CBFB: variants seen among roughly 807,000 people sequenced by gnomAD.
The protein encoded by CBFB is CBF-beta.
A neutral mutation model predicts 30.4 loss-of-function variants in CBFB; 9 were observed. The ratio of observed to expected loss-of-function variants is 0.30; its 90% CI spans 0.18 to 0.52. The LOEUF is 0.52. Ranked by LOEUF, CBFB falls within the 20% of genes least tolerant of loss-of-function variation. CBFB has a pLI of 0.97. For synonymous variants in CBFB, 94 were observed against 84.0 expected (o/e 1.12, Z -0.65); for missense variants, 170 against 244.0 (o/e 0.70, Z 2.02).
At chr16:67,037,777 T>A (rs1393829248) in intron 3 of CBFB, among the ~76,000 whole-genome samples, 1 of 151,402 alleles carries the variant, frequency 6.6e-6, no homozygotes, top group Non-Finnish European at 1.5e-5. Context: ...TAAGCTATTC[T>A]CCTGCCTCAG....
chr16:67,095,732 G>C (rs1035750712), intron 5 of CBFB, among the ~76,000 whole-genome samples: 11 of 119,130 alleles, frequency 9.2e-5, no homozygotes, highest in African/African-American at 3.1e-4. Context: ...CCCTCTTGTT[G>C]CCCAGGCTGG....
intron 3 of CBFB, among the ~76,000 whole-genome samples, chr16:67,054,757 T>C (rs1960663002): frequency 6.6e-6 from 1 of 152,084 alleles, no homozygotes; most frequent in Admixed American, 6.5e-5. Context: ...GCTTTTTGTT[T>C]GTTTGTTTGT....
intron 3 of CBFB, among the ~76,000 whole-genome samples, chr16:67,051,503 T>C (rs1189083519): frequency 4.0e-5 from 6 of 151,892 alleles, no homozygotes; most frequent in African/African-American, 1.5e-4. Context: ...CACACACACA[T>C]ACATATATGG....
chr16:67,073,510 C>G lies in CBFB; in HGVS notation c.399+6712C>G, dbSNP rs998311945. Among the ~76,000 whole-genome samples, 6 of 152,196 alleles carry G rather than the reference C, an allele frequency of 3.9e-5. No homozygotes were observed. In the South Asian group the frequency reaches 6.2e-4, roughly 16 times the overall value. Reference sequence around the variant, plus strand: ...TTGTAATCCCTGCACTCTTGAGAGGCCGAGACAGGTGGATCACTTGAGGTC... The same window carrying G: ...TTGTAATCCCTGCACTCTTGAGAGGGCGAGACAGGTGGATCACTTGAGGTC... On this transcript the variant is annotated intron_variant, in intron 4 of 5. Coordinates refer to ENST00000412916, the MANE Select transcript of CBFB (RefSeq NM_022845.3).
At chr16:67,037,541 T>A (rs1234396110) in intron 3 of CBFB, among the ~76,000 whole-genome samples, 1 of 152,148 alleles carries the variant, frequency 6.6e-6, no homozygotes, top group Non-Finnish European at 1.5e-5. Flanking sequence ...TGAGAAAAAG[T>A]TTCTGGGAAC....
At chr16:67,075,568 A>T (rs572109276) in intron 4 of CBFB, among the ~76,000 whole-genome samples, 1 of 151,646 alleles carries the variant, frequency 6.6e-6, no homozygotes, top group Non-Finnish European at 1.5e-5. Context: ...GTGTGTGTGT[A>T]TATATATATA....
chr16:67,092,416 C>T lies in CBFB; in HGVS notation c.496-6294C>T, dbSNP rs115788914. Among the ~76,000 whole-genome samples the T allele has an allele frequency of 8.6e-3, 1,309 of 152,180 alleles. 14 individuals carry two copies. The highest frequency in any genetic ancestry group is 0.03 in the African/African-American group (1,252 of 41,512). ...GTGACTAAGGAGGCTGACATTAATG[C>T]CAATTGTAAGTTAAAGGCTCATCTT... On this transcript the variant is annotated intron_variant, in intron 5 of 5. Transcript: ENST00000412916.
chr16:67,091,899 G>C (rs1961893575), intron 5 of CBFB, among the ~76,000 whole-genome samples: 1 of 152,020 alleles, frequency 6.6e-6, no homozygotes, highest in Non-Finnish European at 1.5e-5. Flanking sequence ...TTGAGGCAGA[G>C]TTTCGCCTTT....
intron 5 of CBFB, among the ~76,000 whole-genome samples, chr16:67,094,352 C>T (rs1406233970): frequency 6.6e-6 from 1 of 152,094 alleles, no homozygotes; most frequent in Non-Finnish European, 1.5e-5. Context: ...ATGAAACCCA[C>T]AAATAATAGC....
At chr16:67,074,529 C>T (rs542941937) in intron 4 of CBFB, among the ~76,000 whole-genome samples, 2 of 152,012 alleles carry the variant, frequency 1.3e-5, no homozygotes, top group South Asian at 2.1e-4. Flanking sequence ...ACTACAGGCA[C>T]GTGCCATCAT....
At position 67,099,492 on chromosome 16, in the gene CBFB, G is replaced by A. The variant is rs746359212; in HGVS notation, c.*714G>A. On this transcript the variant is annotated 3_prime_UTR_variant, in exon 6 of 6. Transcript: ENST00000412916. ...TGGTCTCGAACTCCTGGCATCAAGC[G>A]ATCCTCCTGCCTTAGCCTCCCAGAG... 3.5e-5 allele frequency: 7 copies of A among 200,832 alleles called. No individual in the cohort carries two copies. The highest frequency in any genetic ancestry group is 1.2e-4 in the Admixed American group (2 of 16,584). 12.4% of individuals were successfully genotyped at this position (200,832 alleles called of 1,614,324 possible).
At chr16:67,032,152 G>C (rs891410142) in intron 2 of CBFB, among the ~76,000 whole-genome samples, 5 of 152,116 alleles carry the variant, frequency 3.3e-5, no homozygotes, top group African/African-American at 1.2e-4. Context: ...TATAGTAGTA[G>C]TACAGGTGGT....
chr16:67,033,844 C>G, intron 2 of CBFB, among the ~76,000 whole-genome samples: 1 of 110,716 alleles, frequency 9.0e-6, no homozygotes. Context: ...TTTTTTGAGA[C>G]GGCGTCTTGC....
At chr16:67,059,285 A>G (rs1447396760) in intron 3 of CBFB, among the ~76,000 whole-genome samples, 2 of 152,216 alleles carry the variant, frequency 1.3e-5, no homozygotes, top group African/African-American at 4.8e-5. Flanking sequence ...TTCAAAACAC[A>G]GGATTAGTAA....
At chr16:67,063,766 G>T (rs757043498) in intron 3 of CBFB, among the ~76,000 whole-genome samples, 1 of 152,056 alleles carries the variant, frequency 6.6e-6, no homozygotes, top group Non-Finnish European at 1.5e-5. Flanking sequence ...TATTTTAAAG[G>T]TATCTCAGAG....
chr16:67,089,357 A>G (rs1470216498), intron 5 of CBFB, among the ~76,000 whole-genome samples: 2 of 152,200 alleles, frequency 1.3e-5, no homozygotes, highest in African/African-American at 4.8e-5. Flanking sequence ...TGGAACTAGA[A>G]ACTATGGGGG....
chr16:67,030,050 T>A, intron 2 of CBFB: 1 of 436,752 alleles, frequency 2.3e-6, no homozygotes, highest in Non-Finnish European at 4.0e-6. Context: ...GCACCGCGAG[T>A]GGAGCTCGAA....
intron 4 of CBFB, 141 bp downstream of exon 4, chr16:67,066,939 T>C (rs1961076837): frequency 2.0e-6 from 1 of 499,410 alleles, no homozygotes; most frequent in Non-Finnish European, 3.7e-6. Context: ...CCTGAAAATG[T>C]TGATACTCAA....
At chr16:67,059,288 A>G (rs182770022) in intron 3 of CBFB, among the ~76,000 whole-genome samples, 1 of 152,304 alleles carries the variant, frequency 6.6e-6, no homozygotes, top group East Asian at 1.9e-4. Flanking sequence ...AAAACACAGG[A>G]TTAGTAATAT....
Sources: gnomAD v4.1 joint callset for allele counts (sites outside exome capture counted in the v4.1 genomes callset) on GRCh38, gnomAD v4.1.1 for gene constraint, MANE v1.5 for transcripts, NCBI Gene and HGNC (gene_info 2026-07-23, HGNC 2026-07-21) for gene names.